The following BRCC3 variants were observed in gnomAD, a reference collection of about 807,000 sequenced individuals.
The protein encoded by BRCC3 is lys-63-specific deubiquitinase BRCC36.
A neutral mutation model predicts 28.0 loss-of-function variants in BRCC3; 15 were observed. The observed-to-expected ratio is 0.54, with a 90% confidence interval of 0.36 to 0.82. BRCC3 has a LOEUF of 0.82. BRCC3 is among the 40% of genes least tolerant of loss of function. BRCC3 has a pLI of 0.01. For missense variants in BRCC3, 109 were observed against 225.9 expected, an observed-to-expected ratio of 0.48 and a Z score of 3.32; for synonymous variants, 66 against 80.3, an observed-to-expected ratio of 0.82 and a Z score of 0.95.
chrX:155,088,047 G>C (rs1025396643), intron 5 of BRCC3, among the ~76,000 whole-genome samples: 1 of 112,348 alleles, frequency 8.9e-6, no homozygotes, highest in Non-Finnish European at 1.9e-5. Context: ...TTAATTCTCT[G>C]TACTGCTATA....
At chrX:155,077,083 A>G in intron 3 of BRCC3, 87 bp from the exon 4 acceptor site, 6 of 815,966 alleles carry the variant, frequency 7.4e-6, no homozygotes, top group Non-Finnish European at 9.7e-6. Context: ...TTTATCTGAT[A>G]TTATAATAAA....
intron 7 of BRCC3, among the ~76,000 whole-genome samples, chrX:155,114,251 CAT>C (rs1360879734): frequency 1.8e-5 from 2 of 111,448 alleles, no homozygotes; most frequent in Non-Finnish European, 3.8e-5. Flanking sequence ...TGCAACGTAA[CAT>C]ATAATGGAAT....
chrX:155,077,336 G>A, intron 4 of BRCC3, 47 bp downstream of exon 4: 2 of 1,107,054 alleles, frequency 1.8e-6, no homozygotes, highest in Non-Finnish European at 2.4e-6. Context: ...TGGGGTTCCT[G>A]GGCCGCATTG....
chrX:155,077,457 T>C (rs1557293772), intron 4 of BRCC3, among the ~76,000 whole-genome samples, 168 bp downstream of exon 4: 1 of 111,939 alleles, frequency 8.9e-6, no homozygotes, highest in Non-Finnish European at 1.9e-5. Flanking sequence ...GTGGCTTTTA[T>C]TGGAAGAATT....
chrX:155,072,203 G>A (rs1224815383), intron 1 of BRCC3, 124 bp from the exon 2 acceptor site: 3 of 557,580 alleles, frequency 5.4e-6, no homozygotes, highest in Admixed American at 3.0e-5. Flanking sequence ...ACAGTCTAAA[G>A]TAATTCTCCA....
Position 155,122,386 on chromosome X carries a change from C to T in BRCC3, c.*1182C>T, listed in dbSNP as rs2124318295. 1 of 111,929 alleles carries T rather than the reference C, an allele frequency of 8.9e-6. No homozygotes were observed. Among genetic ancestry groups the T allele is most frequent in the African/African-American group, 3.2e-5 (1 of 30,794 alleles). The allele number at this position is 111,929 out of a possible 1,213,427, so 9.2% of individuals were successfully genotyped here. ...GAGGATACAAACTGGATATTTTATA[C>T]ATTGCTGACAGGAATGTAAAATGGT... On this transcript the variant is annotated 3_prime_UTR_variant, in exon 11 of 11. Transcript: ENST00000330045.
chrX:155,120,186 C>T lies in BRCC3; in HGVS notation c.*18+18C>T. 8.8e-7 allele frequency: 1 copy of T among 1,139,571 alleles called. No homozygotes were observed. 93.9% of individuals were successfully genotyped at this position (1,139,571 alleles called of 1,213,427 possible). A position where few individuals can be genotyped will look rare whatever the true frequency, so the allele number is the denominator to read the frequency against. Reference sequence around the variant, plus strand: ...AAAATGGGGTAAAAAACTTCTTTTTCAATTTGTGTACTAAACACAGTCTGA... The same window carrying T: ...AAAATGGGGTAAAAAACTTCTTTTTTAATTTGTGTACTAAACACAGTCTGA... On this transcript the variant is annotated intron_variant, in intron 10 of 10. Coordinates refer to ENST00000330045, the MANE Select transcript of BRCC3 (RefSeq NM_001018055.3).
intron 7 of BRCC3, among the ~76,000 whole-genome samples, chrX:155,110,407 G>A (rs982203404): frequency 2.7e-5 from 3 of 111,395 alleles, no homozygotes; most frequent in Non-Finnish European, 3.8e-5. Context: ...CTGATTTTCT[G>A]TATCGTTTTA....
At chrX:155,085,303 T>A (rs1443668546) in intron 5 of BRCC3, among the ~76,000 whole-genome samples, 4 of 112,900 alleles carry the variant, frequency 3.5e-5, no homozygotes, top group African/African-American at 9.7e-5. Flanking sequence ...GGAATGGTGC[T>A]GTGTAATATC....
chrX:155,078,830 G>T, intron 5 of BRCC3, 127 bp downstream of exon 5: 1 of 420,790 alleles, frequency 2.4e-6, no homozygotes, highest in Non-Finnish European at 4.1e-6. Context: ...TCATTATTTT[G>T]ATTTATTTTA....
rs189156333 is a variant in BRCC3 at position 155,074,224 on chromosome X, T to A, written c.195+793T>A. 3.6e-5 allele frequency among the ~76,000 whole-genome samples: 4 copies of A among 112,281 alleles called. No homozygotes were observed. The East Asian group carries it at 1.1e-3, about 31-fold the overall frequency. On this transcript the variant is annotated intron_variant, in intron 3 of 10. Transcript: ENST00000330045. ...ACCTGGTTCTTTTAGGATAAACATA[T>A]GCTTAAATTACTCTCATTTTCAGAA...
chrX:155,096,262 A>C, intron 7 of BRCC3, among the ~76,000 whole-genome samples: 1 of 111,874 alleles, frequency 8.9e-6, no homozygotes, highest in Non-Finnish European at 1.9e-5. Flanking sequence ...GGTGGGAAGG[A>C]AGAATGTCGA....
At chrX:155,077,665 T>C (rs369107827) in intron 4 of BRCC3, among the ~76,000 whole-genome samples, 4 of 111,830 alleles carry the variant, frequency 3.6e-5, no homozygotes, top group African/African-American at 1.3e-4. Flanking sequence ...TCTTGAGAGA[T>C]TCTCTTTTGT....
At chrX:155,085,548 T>C (rs2074117445) in intron 5 of BRCC3, among the ~76,000 whole-genome samples, 1 of 112,180 alleles carries the variant, frequency 8.9e-6, no homozygotes, top group African/African-American at 3.2e-5. Context: ...CAAAAGAGCA[T>C]CTCTCGTGTA....
intron 5 of BRCC3, among the ~76,000 whole-genome samples, chrX:155,085,677 GCTTTC>G (rs1557294709): frequency 8.9e-6 from 1 of 112,473 alleles, no homozygotes; most frequent in African/African-American, 3.2e-5. Flanking sequence ...GTTTCCTGTT[GCTTTC>G]CTTTCTTAAT....
intron 5 of BRCC3, among the ~76,000 whole-genome samples, chrX:155,083,861 G>C (rs1007993702): frequency 8.9e-6 from 1 of 112,470 alleles, no homozygotes. Context: ...AGCTAATCAC[G>C]AGGAGTGTGT....
intron 7 of BRCC3, among the ~76,000 whole-genome samples, chrX:155,098,734 T>C (rs1053523030): frequency 1.8e-5 from 2 of 112,529 alleles, no homozygotes; most frequent in African/African-American, 6.5e-5. Flanking sequence ...TTTTCACAGC[T>C]TTTTCATTTG....
chrX:155,109,408 A>G (rs2074305835), intron 7 of BRCC3, among the ~76,000 whole-genome samples: 1 of 111,918 alleles, frequency 8.9e-6, no homozygotes, highest in African/African-American at 3.2e-5. Flanking sequence ...CCATTCATCA[A>G]TTTGATGTAT....
chrX:155,107,547 T>C (rs149039995), intron 7 of BRCC3, among the ~76,000 whole-genome samples: 1,970 of 110,785 alleles, frequency 0.018, 27 homozygotes, highest in South Asian at 0.039. Context: ...ACCTGGCCAA[T>C]GTCTAGTCAT....
Sources: allele counts gnomAD v4.1 joint callset (sites outside exome capture counted in the v4.1 genomes callset), GRCh38; gene constraint gnomAD v4.1.1; transcripts MANE v1.5; gene names NCBI Gene and HGNC (gene_info 2026-07-23, HGNC 2026-07-21).